GON4L: variants seen among roughly 807,000 people sequenced by gnomAD.
GON4L encodes GON-4-like protein.
In GON4L, 87 loss-of-function variants were observed where a neutral mutation model predicts 211.8. The observed-to-expected ratio is 0.41, with a 90% CI of 0.35 to 0.49. The LOEUF (loss-of-function observed/expected upper bound fraction) is 0.49. Ranked by LOEUF, GON4L falls within the 20% of genes least tolerant of loss-of-function variation. The pLI is 0.15. For missense variants in GON4L, 2,155 were observed against 2,659.5 expected, an observed-to-expected ratio of 0.81 and a Z score of 4.17; for synonymous variants, 875 against 962.6, an observed-to-expected ratio of 0.91 and a Z score of 1.68.
intron 11 of GON4L, among the ~76,000 whole-genome samples, chr1:155,804,351 G>A (rs941898420): frequency 2.0e-5 from 3 of 152,020 alleles, no homozygotes; most frequent in East Asian, 1.9e-4. Flanking sequence ...GATCCACCCT[G>A]GGCAACACCC....
At chr1:155,745,710 A>T, downstream of GON4L, 1 of 830,228 alleles carries the variant, frequency 1.2e-6, no homozygotes, top group South Asian at 1.7e-5. Flanking sequence ...ATGGGAAAGG[A>T]TGTGTTTGCG....
rs370362885 is a variant in GON4L, at chr1:155,773,453, C to T, written c.2351-243G>A. The T allele has an allele frequency of 3.6e-3, 1,888 of 524,556 alleles. 16 individuals carry two copies. The highest frequency in any genetic ancestry group is 0.02 in the South Asian group (929 of 46,360). The allele number at this position is 524,556 out of a possible 1,614,324, so 32.5% of individuals were successfully genotyped here. On this transcript the variant is annotated intron_variant, in intron 17 of 31. Transcript: ENST00000368331. ...TTTCTTATGTGGAACACTTTATTCA[C>T]TAAGTAAAACAAACACTTAAAAAGC...
chr1:155,776,502 A>T (rs1663834808), intron 15 of GON4L, 21 bp from the exon 16 acceptor site: 1 of 1,522,496 alleles, frequency 6.6e-7, no homozygotes. Flanking sequence ...AAAGAAAATG[A>T]TGAAGTGACA....
rs762898848 is a variant in GON4L, at chr1:155,766,590, C to T, written c.2883G>A (p.Leu961=). ...GGTACCGAGATTCACTCCCCAACTC[C>T]AAATTGTCTTTTTCTAGGCTTCGAT... is the stretch of plus-strand genomic sequence containing the variant. ...NSDRSLEKDN[L]ELGSESRYPL... is the part of the protein sequence containing the mutation. The change falls in exon 21 of 32, where the codon TTG becomes TTA. Residue 961 remains leucine, a synonymous_variant. Transcript: ENST00000368331. 5.2e-4 allele frequency: 839 copies of T among 1,613,932 alleles called. 10 individuals are homozygous for T. The highest frequency in any genetic ancestry group is 3.9e-5 in the Non-Finnish European group (46 of 1,180,042).
At chr1:155,829,467 G>A (rs1053871903) in intron 2 of GON4L, among the ~76,000 whole-genome samples, 12 of 152,004 alleles carry the variant, frequency 7.9e-5, no homozygotes, top group Non-Finnish European at 1.6e-4. Flanking sequence ...TTAGCCAGCC[G>A]TGGTGGCAGG....
At chr1:155,821,093 C>T (rs1250026116) in intron 5 of GON4L, among the ~76,000 whole-genome samples, 5 of 151,866 alleles carry the variant, frequency 3.3e-5, no homozygotes, top group African/African-American at 7.3e-5. Context: ...GGTGAAACCC[C>T]GTCTCTATTA....
chr1:155,775,580 G>A (rs763985520), intron 16 of GON4L, among the ~76,000 whole-genome samples: 16 of 150,968 alleles, frequency 1.1e-4, no homozygotes, highest in Non-Finnish European at 1.8e-4. Context: ...TCTACCTCCC[G>A]AGTAGCTGGG....
chr1:155,813,810 TAA>T lies in GON4L; in HGVS notation c.1282-8_1282-7del, dbSNP rs1208047467. On this transcript the variant is annotated splice_region_variant and splice_polypyrimidine_tract_variant and intron_variant, in intron 9 of 31. Transcript: ENST00000368331. Reference sequence around the variant, plus strand: ...GGTGTGGTGACTTTCTCAGCCTGATTAAAAGAGGTGACTGCATCAAAAAAGGA... The same window carrying T: ...GGTGTGGTGACTTTCTCAGCCTGATTAAGAGGTGACTGCATCAAAAAAGGA... 5 of 1,612,380 alleles carry T rather than the reference TAA, an allele frequency of 3.1e-6. No individual in the cohort carries two copies. Among genetic ancestry groups the T allele is most frequent in the Non-Finnish European group, 4.2e-6 (5 of 1,178,772 alleles).
At position 155,828,498 on chromosome 1, in the gene GON4L, AAAAC is replaced by A. The variant is rs745332500; in HGVS notation, c.506-1474_506-1471del. On this transcript the variant is annotated intron_variant, in intron 2 of 31. Coordinates refer to ENST00000368331, the MANE Select transcript of GON4L (RefSeq NM_001282860.2). Reference sequence around the variant, plus strand: ...AACAGAGCGAAACTCCATCTCAAACAAAACAAACAAACAAACCAAAAAAGAATGC... The same window carrying A: ...AACAGAGCGAAACTCCATCTCAAACAAAACAAACAAACCAAAAAAGAATGC... Among the ~76,000 whole-genome samples, 4 of 151,688 alleles carry A rather than the reference AAAAC, an allele frequency of 2.6e-5. No homozygotes were observed. The South Asian group carries it at 6.2e-4, about 24-fold the overall frequency.
rs538552098 is a variant in GON4L, at chr1:155,770,779, G to A, written c.2646+288C>T. ...CAGGAGACACCGAGGCAGGAGAATC[G>A]CTTGAACCTGGGAGGTAAAGACTGC... is the stretch of plus-strand genomic sequence containing the variant. On this transcript the variant is annotated intron_variant, in intron 19 of 31. Coordinates refer to ENST00000368331, the MANE Select transcript of GON4L (RefSeq NM_001282860.2). 1.2e-4 allele frequency among the ~76,000 whole-genome samples: 19 copies of A among 152,210 alleles called. No homozygotes were observed. Among genetic ancestry groups the A allele is most frequent in the Non-Finnish European group, 2.5e-4 (17 of 68,004 alleles).
intron 2 of GON4L, among the ~76,000 whole-genome samples, chr1:155,829,553 T>C (rs755809466): frequency 6.6e-6 from 1 of 152,190 alleles, no homozygotes; most frequent in South Asian, 2.1e-4. Context: ...TGAGCCAAGG[T>C]TGCAGTGAGC....
intron 2 of GON4L, among the ~76,000 whole-genome samples, chr1:155,834,661 C>G (rs775020322): frequency 2.8e-4 from 42 of 152,166 alleles, no homozygotes; most frequent in Non-Finnish European, 5.3e-4. Flanking sequence ...TCCTGTTGCC[C>G]TCCTTTTATC....
intron 24 of GON4L, among the ~76,000 whole-genome samples, chr1:155,758,885 C>A (rs1285053801): frequency 2.0e-5 from 3 of 151,074 alleles, no homozygotes; most frequent in Admixed American, 2.0e-4. Context: ...CCTCAAAAAA[C>A]AACAACAATA....
At position 155,750,446 on chromosome 1, in the gene GON4L, C is replaced by G; in HGVS notation, c.*138G>C. 9 of 628,370 alleles carry G rather than the reference C, an allele frequency of 1.4e-5. No individual in the cohort carries two copies. The highest frequency in any genetic ancestry group is 2.3e-5 in the Non-Finnish European group (8 of 343,976). The allele number at this position is 628,370 out of a possible 1,614,324, so 38.9% of individuals were successfully genotyped here. A position where few individuals can be genotyped will look rare whatever the true frequency, so the allele number is the denominator to read the frequency against. ...CCCTGGGTCCTACTCCATCCTCCAG[C>G]CTTTGTCCTTGTCCTGGCCTCCTGC... On this transcript the variant is annotated 3_prime_UTR_variant, in exon 32 of 32. Coordinates refer to ENST00000368331, the MANE Select transcript of GON4L (RefSeq NM_001282860.2).
intron 11 of GON4L, among the ~76,000 whole-genome samples, chr1:155,803,955 C>T (rs959324798): frequency 1.3e-5 from 2 of 152,190 alleles, no homozygotes; most frequent in African/African-American, 2.4e-5. Context: ...TGCTGATTTA[C>T]TACACTTCCC....
In GON4L at chr1:155,766,699, G is replaced by A; in HGVS notation, c.2774C>T (p.Pro925Leu). The change falls in exon 21 of 32, where the codon CCA becomes CTA. Residue 925 changes from proline (P) to leucine (L), a missense_variant. This residue lies in a region of GON4L where 551 missense variants were observed against 854.0 expected (regional missense o/e 0.65). Transcript: ENST00000368331. ...RLPFWLKASL[P>L]SIQEELRHMA... ...GTGCCGCAGTTCTTCCTGGATGGAT[G>A]GCAGACTGGCCTATTGGAAACAAGA... 6.2e-7 allele frequency: 1 copy of A among 1,614,140 alleles called. No individual in the cohort carries two copies. The highest frequency in any genetic ancestry group is 1.1e-5 in the South Asian group (1 of 91,074).
downstream of GON4L, chr1:155,748,312 C>T (rs1206027177): frequency 5.1e-6 from 7 of 1,384,818 alleles, no homozygotes; most frequent in Non-Finnish European, 7.1e-6. Context: ...CTGATTCATC[C>T]CCTGGGTCTC....
chr1:155,821,453 G>C, intron 5 of GON4L, 21 bp downstream of exon 5: 2 of 1,438,410 alleles, frequency 1.4e-6, no homozygotes, highest in South Asian at 1.1e-5. Context: ...GACATTAAAA[G>C]AGTGATAATC....
At position 155,750,155 on chromosome 1, in the gene GON4L, A is replaced by G; in HGVS notation, c.*429T>C. ...TGGACTAAAGTTCCCAGTGTGGGAG[A>G]AAGGAGCTAGTTTGCAATAAAAACA... On this transcript the variant is annotated 3_prime_UTR_variant, in exon 32 of 32. Coordinates refer to ENST00000368331, the MANE Select transcript of GON4L (RefSeq NM_001282860.2). 1.7e-6 allele frequency: 1 copy of G among 596,054 alleles called. No homozygotes were observed. Among genetic ancestry groups the G allele is most frequent in the Non-Finnish European group, 2.9e-6 (1 of 339,780 alleles). 36.9% of individuals were successfully genotyped at this position (596,054 alleles called of 1,614,324 possible). A position where few individuals can be genotyped will look rare whatever the true frequency, so the allele number is the denominator to read the frequency against.
Sources: gnomAD v4.1 joint callset for allele counts (sites outside exome capture counted in the v4.1 genomes callset) on GRCh38, gnomAD v4.1.1 for gene constraint, gnomAD v4.1.1 regional missense constraint, MANE v1.5 for transcripts, NCBI Gene and HGNC (gene_info 2026-07-23, HGNC 2026-07-21) for gene names.